DCT: variants seen among roughly 807,000 people sequenced by gnomAD.
DCT encodes dopachrome tautomerase.
In DCT, 47 loss-of-function variants were observed where a neutral mutation model predicts 53.0. The observed-to-expected ratio is 0.89, with a 90% CI of 0.70 to 1.13. The LOEUF is 1.13. DCT is among the 50% of genes most tolerant of loss of function. The probability of loss-of-function intolerance (pLI) is 0.00; values close to 1 mark genes in which losing one functional copy is unlikely to be tolerated. For missense variants in DCT, 669 were observed against 637.4 expected, an observed-to-expected ratio of 1.05 and a Z score of -0.53; for synonymous variants, 244 against 237.0, an observed-to-expected ratio of 1.03 and a Z score of -0.27.
At chr13:94,508,080 C>T in the DCT span, among the ~76,000 whole-genome samples, 2 of 152,312 alleles carry the variant, frequency 1.3e-5, no homozygotes, top group South Asian at 4.1e-4. Flanking sequence ...TAGCATGCTA[C>T]ATTTCATGAT....
chr13:94,495,804 T>A, the DCT span, among the ~76,000 whole-genome samples: 1 of 152,144 alleles, frequency 6.6e-6, no homozygotes, highest in African/African-American at 2.4e-5. Flanking sequence ...AATAAGAAGT[T>A]GAACACAATA....
chr13:94,531,194 T>C, the DCT span, among the ~76,000 whole-genome samples: 1 of 152,088 alleles, frequency 6.6e-6, no homozygotes, highest in African/African-American at 2.4e-5. Context: ...AGAATCAATA[T>C]CATGAAAATG....
chr13:94,539,747 G>A, the DCT span, among the ~76,000 whole-genome samples: 1 of 152,114 alleles, frequency 6.6e-6, no homozygotes, highest in Non-Finnish European at 1.5e-5. Flanking sequence ...GCTATTGGGT[G>A]AGACTGCCTC....
At chr13:94,516,115 T>A in the DCT span, among the ~76,000 whole-genome samples, 1 of 132,108 alleles carries the variant, frequency 7.6e-6, no homozygotes, top group Non-Finnish European at 1.5e-5. Flanking sequence ...CTGATCCCAG[T>A]GCAAGCCCTC....
chr13:94,529,679 G>C, the DCT span, among the ~76,000 whole-genome samples: 1 of 152,150 alleles, frequency 6.6e-6, no homozygotes, highest in African/African-American at 2.4e-5. Flanking sequence ...ATGCCCACAA[G>C]AGAAAGCAGG....
chr13:94,471,199 G>A (rs1884625176), intron 1 of DCT, among the ~76,000 whole-genome samples: 1 of 152,112 alleles, frequency 6.6e-6, no homozygotes, highest in South Asian at 2.1e-4. Context: ...AAATGCACAG[G>A]CTTCCTTTTC....
the DCT span, among the ~76,000 whole-genome samples, chr13:94,510,317 C>A: frequency 3.0e-4 from 46 of 152,278 alleles, no homozygotes; most frequent in Admixed American, 2.9e-3. Context: ...CTCCTACCAC[C>A]AAGTGATCAT....
the DCT span, among the ~76,000 whole-genome samples, chr13:94,545,887 T>G: frequency 2.6e-4 from 40 of 151,962 alleles, no homozygotes; most frequent in African/African-American, 9.7e-4. Flanking sequence ...CTCTTCCCCT[T>G]CACCCTCCCC....
At chr13:94,539,035 A>G in the DCT span, among the ~76,000 whole-genome samples, 1 of 152,192 alleles carries the variant, frequency 6.6e-6, no homozygotes, top group Admixed American at 6.5e-5. Context: ...GCGACACATT[A>G]ACACCTGCAT....
At chr13:94,519,921 T>C in the DCT span, among the ~76,000 whole-genome samples, 3 of 152,186 alleles carry the variant, frequency 2.0e-5, no homozygotes, top group East Asian at 1.9e-4. Flanking sequence ...TAAATACATA[T>C]TGAGTTCTAA....
the DCT span, among the ~76,000 whole-genome samples, chr13:94,499,022 G>A: frequency 1.3e-5 from 2 of 152,134 alleles, no homozygotes; most frequent in Non-Finnish European, 1.5e-5. Context: ...CCAAATAAGG[G>A]AATAAAAGCT....
the DCT span, among the ~76,000 whole-genome samples, chr13:94,538,202 A>G: frequency 6.6e-6 from 1 of 152,218 alleles, no homozygotes; most frequent in South Asian, 2.1e-4. Flanking sequence ...GCTTGTAGAG[A>G]GTGCTTACTG....
chr13:94,469,727 A>G (rs1884507160), intron 1 of DCT, among the ~76,000 whole-genome samples: 1 of 152,200 alleles, frequency 6.6e-6, no homozygotes, highest in African/African-American at 2.4e-5. Flanking sequence ...GACACAGAAC[A>G]GTTCATTGAT....
At chr13:94,513,295 G>A in the DCT span, among the ~76,000 whole-genome samples, 1 of 152,154 alleles carries the variant, frequency 6.6e-6, no homozygotes. Flanking sequence ...CAGTTGGTTA[G>A]CAGATTTGTG....
the DCT span, among the ~76,000 whole-genome samples, chr13:94,549,149 C>T: frequency 2.6e-5 from 4 of 152,246 alleles, no homozygotes; most frequent in African/African-American, 9.6e-5. Context: ...CCAGAAATAA[C>T]CAGCACTGGG....
At chr13:94,524,074 A>G in the DCT span, among the ~76,000 whole-genome samples, 1 of 152,218 alleles carries the variant, frequency 6.6e-6, no homozygotes, top group Non-Finnish European at 1.5e-5. Context: ...CCTTTATAGC[A>G]GGAGGAGATG....
chr13:94,508,636 A>C, the DCT span, among the ~76,000 whole-genome samples: 3 of 152,224 alleles, frequency 2.0e-5, no homozygotes, highest in Admixed American at 6.5e-5. Flanking sequence ...AGGAATATGA[A>C]AGACAGTTTT....
the DCT span, among the ~76,000 whole-genome samples, chr13:94,532,280 T>TTG: frequency 6.6e-6 from 1 of 152,196 alleles, no homozygotes; most frequent in African/African-American, 2.4e-5. Context: ...GCCATCCCAT[T>TTG]ACTGGGTATA....
intron 6 of DCT, among the ~76,000 whole-genome samples, chr13:94,447,081 G>A (rs1480534937): frequency 6.6e-6 from 1 of 152,196 alleles, no homozygotes; most frequent in Non-Finnish European, 1.5e-5. Context: ...GCACAAAAGT[G>A]TTAAGTGACT....
Sources: allele counts gnomAD v4.1 joint callset (sites outside exome capture counted in the v4.1 genomes callset), GRCh38; gene constraint gnomAD v4.1.1; transcripts MANE v1.5; gene names NCBI Gene and HGNC (gene_info 2026-07-23, HGNC 2026-07-21).